The following KATNIP variants were observed in gnomAD, a reference collection of about 807,000 sequenced individuals.
The protein encoded by KATNIP is katanin interacting protein.
Under a neutral mutation model 174.0 loss-of-function variants are expected in KATNIP, and 126 were observed. The observed-to-expected ratio is 0.72, with a 90% CI of 0.63 to 0.84. The LOEUF (loss-of-function observed/expected upper bound fraction) is 0.84, where lower values mean the gene tolerates loss of function less well. KATNIP is among the 40% of genes least tolerant of loss of function. The probability of loss-of-function intolerance (pLI) is 0.00; values close to 1 mark genes in which losing one functional copy is unlikely to be tolerated. For missense variants in KATNIP, 1,958 were observed against 2,109.7 expected (o/e 0.93, Z 1.41); for synonymous variants, 810 against 835.7 (o/e 0.97, Z 0.53).
At chr16:27,690,120 A>G (rs2078662875) in intron 8 of KATNIP, among the ~76,000 whole-genome samples, 1 of 151,950 alleles carries the variant, frequency 6.6e-6, no homozygotes, top group East Asian at 1.9e-4. Flanking sequence ...CTGGGCAACA[A>G]AGTGATACCT....
intron 3 of KATNIP, among the ~76,000 whole-genome samples, chr16:27,627,158 T>C (rs765818407): frequency 1.3e-5 from 2 of 152,218 alleles, no homozygotes; most frequent in Non-Finnish European, 2.9e-5. Flanking sequence ...GCAACATCTT[T>C]AGTCCCCCGA....
intron 2 of KATNIP, among the ~76,000 whole-genome samples, chr16:27,611,985 C>CT (rs2075905052): frequency 6.6e-6 from 1 of 152,070 alleles, no homozygotes; most frequent in East Asian, 1.9e-4. Flanking sequence ...CTTGGAGAGT[C>CT]TGGGAGCGGA....
At chr16:27,706,249 A>G (rs566455177) in intron 12 of KATNIP, among the ~76,000 whole-genome samples, 1 of 152,136 alleles carries the variant, frequency 6.6e-6, no homozygotes, top group Admixed American at 6.5e-5. Context: ...ATCAGACTCC[A>G]CTGTCAGGAG....
intron 1 of KATNIP, 149 bp from the exon 2 acceptor site, chr16:27,573,752 T>C: frequency 2.9e-6 from 2 of 689,824 alleles, no homozygotes; most frequent in Non-Finnish European, 2.4e-6. Context: ...TGTGCCATTT[T>C]CCCATTATAA....
Position 27,708,620 on chromosome 16 carries a change from T to G in KATNIP, c.1390-85T>G, listed in dbSNP as rs1430463210. On this transcript the variant is annotated intron_variant, in intron 12 of 27. Coordinates refer to ENST00000261588, the MANE Select transcript of KATNIP (RefSeq NM_015202.5). Reference sequence around the variant, plus strand: ...CTGAGACCCTGAAGGTTAACTAACTTTTTGAAGGCAGTGGTGGCAGAGGCA... The same window carrying G: ...CTGAGACCCTGAAGGTTAACTAACTGTTTGAAGGCAGTGGTGGCAGAGGCA... The G allele has an allele frequency of 2.2e-5, 24 of 1,074,548 alleles. No individual in the cohort carries two copies. In the East Asian group the frequency reaches 5.3e-4, roughly 24 times the overall value. 66.6% of individuals were successfully genotyped at this position (1,074,548 alleles called of 1,614,324 possible). A position where few individuals can be genotyped will look rare whatever the true frequency, so the allele number is the denominator to read the frequency against.
chr16:27,566,468 G>A (rs1448090429), intron 1 of KATNIP, among the ~76,000 whole-genome samples: 1 of 151,984 alleles, frequency 6.6e-6, no homozygotes, highest in Non-Finnish European at 1.5e-5. Context: ...CCCAGGAGGT[G>A]GAGGTTGCAG....
intron 14 of KATNIP, among the ~76,000 whole-genome samples, chr16:27,727,018 C>G (rs559089825): frequency 6.6e-6 from 1 of 152,330 alleles, no homozygotes; most frequent in South Asian, 2.1e-4. Context: ...CAGGTTACAT[C>G]ACATCTGTAT....
intron 12 of KATNIP, 150 bp downstream of exon 12, chr16:27,704,148 G>A: frequency 1.6e-6 from 1 of 637,238 alleles, no homozygotes; most frequent in Non-Finnish European, 2.8e-6. Context: ...GCACACAGAG[G>A]TATATATGAT....
At chr16:27,668,838 T>C (rs555598523) in intron 6 of KATNIP, among the ~76,000 whole-genome samples, 1 of 152,280 alleles carries the variant, frequency 6.6e-6, no homozygotes, top group African/African-American at 2.4e-5. Context: ...AGATCTCATC[T>C]CTACAAAAAA....
chr16:27,737,214 CAA>C (rs962830382), intron 14 of KATNIP, among the ~76,000 whole-genome samples: 1 of 150,874 alleles, frequency 6.6e-6, no homozygotes. Flanking sequence ...CCCGTCTCTA[CAA>C]AAAAAAATTT....
At chr16:27,627,283 G>T (rs905628757) in intron 3 of KATNIP, among the ~76,000 whole-genome samples, 2 of 152,182 alleles carry the variant, frequency 1.3e-5, no homozygotes, top group African/African-American at 4.8e-5. Context: ...TGTGCTTTCT[G>T]CTGGTGATTT....
At chr16:27,575,107 A>T (rs1249989201) in intron 2 of KATNIP, among the ~76,000 whole-genome samples, 1 of 152,236 alleles carries the variant, frequency 6.6e-6, no homozygotes, top group Non-Finnish European at 1.5e-5. Flanking sequence ...TACAATAGTT[A>T]CAATACAGTG....
At position 27,698,391 on chromosome 16, in the gene KATNIP, A is replaced by G. The variant is rs368079249; in HGVS notation, c.1004A>G (p.Tyr335Cys). 7 of 1,613,242 alleles carry G rather than the reference A, an allele frequency of 4.3e-6. No individual in the cohort carries two copies. Among genetic ancestry groups the G allele is most frequent in the Non-Finnish European group, 5.9e-6 (7 of 1,179,664 alleles). The change falls in exon 9 of 28, where the codon TAC (tyrosine) becomes TGC (cysteine). Residue 335 changes from tyrosine to cysteine, a missense_variant. Tyr to Cys is a radical substitution (Grantham distance 194, BLOSUM62 -2). This residue lies in a region of KATNIP where 1,557 missense variants were observed against 1,617.8 expected (regional missense o/e 0.96). Transcript: ENST00000261588. ...ATRKTLCEAE[Y>C]PEEDASAVLQ... ...CGCAAAACTCTTTGCGAGGCTGAGT[A>G]CCCAGAGGAAGATGCCTCTGCTGTG...
intron 1 of KATNIP, among the ~76,000 whole-genome samples, chr16:27,568,068 C>T (rs1202825412): frequency 6.6e-6 from 1 of 152,134 alleles, no homozygotes; most frequent in Non-Finnish European, 1.5e-5. Flanking sequence ...GCAAATAGAA[C>T]CAATATGAGT....
At chr16:27,571,670 G>A (rs1367846085) in intron 1 of KATNIP, among the ~76,000 whole-genome samples, 1 of 152,228 alleles carries the variant, frequency 6.6e-6, no homozygotes, top group African/African-American at 2.4e-5. Flanking sequence ...GGGCCCTGCT[G>A]GCATCTCACT....
intron 6 of KATNIP, among the ~76,000 whole-genome samples, chr16:27,660,444 G>A (rs1274726387): frequency 6.6e-6 from 1 of 152,112 alleles, no homozygotes; most frequent in Non-Finnish European, 1.5e-5. Flanking sequence ...AGCTACTCAG[G>A]AGGCTGAGAC....
intron 1 of KATNIP, among the ~76,000 whole-genome samples, chr16:27,571,987 GGT>G (rs368600782): frequency 2.7e-5 from 4 of 150,610 alleles, no homozygotes; most frequent in Non-Finnish European, 3.0e-5. Flanking sequence ...AAATCCTGGG[GGT>G]GTGTGTGTGT....
chr16:27,770,846 C>T (rs987821637), intron 21 of KATNIP, among the ~76,000 whole-genome samples: 5 of 152,250 alleles, frequency 3.3e-5, no homozygotes, highest in African/African-American at 1.2e-4. Context: ...TGCTGAAGAT[C>T]ATGAAGCCAA....
At chr16:27,657,846 G>T (rs1376273172) in intron 6 of KATNIP, among the ~76,000 whole-genome samples, 1 of 152,148 alleles carries the variant, frequency 6.6e-6, no homozygotes, top group Non-Finnish European at 1.5e-5. Context: ...GGAGTCGGAG[G>T]TTGCAGTGAG....
Sources: allele counts gnomAD v4.1 joint callset (sites outside exome capture counted in the v4.1 genomes callset), GRCh38; gene constraint gnomAD v4.1.1; regional missense constraint gnomAD v4.1.1; transcripts MANE v1.5; gene names NCBI Gene and HGNC (gene_info 2026-07-23, HGNC 2026-07-21).